Variants in CDCA7L observed in about 807,000 individuals in gnomAD.
The protein encoded by CDCA7L is cell division cycle-associated 7-like protein.
Under a neutral mutation model 57.4 loss-of-function variants are expected in CDCA7L, and 44 were observed. The ratio of observed to expected loss-of-function variants is 0.77; its 90% CI spans 0.60 to 0.98. The LOEUF is 0.98. Among genes scored for constraint, CDCA7L ranks in the 50% least tolerant of loss-of-function variants. CDCA7L has a pLI of 0.00. For missense variants in CDCA7L, 644 were observed against 580.6 expected (o/e 1.11, Z -1.12); for synonymous variants, 236 against 202.8 (o/e 1.16, Z -1.39).
In CDCA7L at chr7:21,932,968, GA is replaced by G. The variant is rs199582519; in HGVS notation, c.24+12812del. On this transcript the variant is annotated intron_variant, in intron 1 of 9. Transcript: ENST00000406877. Reference sequence around the variant, plus strand: ...AACAAATTTATAAGAAAAAAAAAAAGAACAACTTCATCAAAAAGTGGGCGAA... The same window carrying G: ...AACAAATTTATAAGAAAAAAAAAAAGACAACTTCATCAAAAAGTGGGCGAA... 2.6e-4 allele frequency among the ~76,000 whole-genome samples: 38 copies of G among 148,996 alleles called. No individual in the cohort carries two copies. The East Asian group carries it at 7.3e-3, about 29-fold the overall frequency.
At chr7:21,910,558 C>G (rs535554415) in intron 3 of CDCA7L, among the ~76,000 whole-genome samples, 1 of 152,314 alleles carries the variant, frequency 6.6e-6, no homozygotes, top group South Asian at 2.1e-4. Context: ...GGCGTAAACT[C>G]TACGTTCCAT....
chr7:21,904,113 G>A lies in CDCA7L; in HGVS notation c.1194C>T (p.Asp398=), dbSNP rs747657717. 2.5e-6 allele frequency: 4 copies of A among 1,597,340 alleles called. No individual in the cohort carries two copies. The highest frequency in any genetic ancestry group is 2.3e-5 in the East Asian group (1 of 44,376). The change falls in exon 8 of 10, where the codon GAC becomes GAT. Residue 398 remains aspartate, a synonymous_variant. Transcript: ENST00000406877. Reference sequence around the variant, plus strand: ...CAAATGCAAACACTGTTCCTACCGGGTCCAGCAATGCCGATCTGACATCCT... The same window carrying A: ...CAAATGCAAACACTGTTCCTACCGGATCCAGCAATGCCGATCTGACATCCT... ...YGEDVRSALL[D]PDWVCPPCRG... is the part of the protein sequence containing the mutation.
At chr7:21,929,512 A>G (rs1007855596) in intron 1 of CDCA7L, among the ~76,000 whole-genome samples, 4 of 151,990 alleles carry the variant, frequency 2.6e-5, no homozygotes, top group African/African-American at 9.7e-5. Flanking sequence ...CAGACCGGCA[A>G]ATTGGATAAA....
intron 2 of CDCA7L, among the ~76,000 whole-genome samples, chr7:21,912,116 G>T (rs4645484): frequency 0.038 from 5,747 of 152,008 alleles, 218 homozygotes; most frequent in African/African-American, 0.099. Context: ...ACAAAAATTA[G>T]CTGGGTCTGG....
rs117555012 is a variant in CDCA7L, at chr7:21,919,898, C to T, written c.25-3004G>A. Among the ~76,000 whole-genome samples, 1,142 of 152,296 alleles carry T rather than the reference C, an allele frequency of 7.5e-3. 5 individuals are homozygous for T. Among genetic ancestry groups the T allele is most frequent in the Non-Finnish European group, 0.012 (809 of 68,022 alleles). On this transcript the variant is annotated intron_variant, in intron 1 of 9. Transcript: ENST00000406877. ...ACACAGGATCTTTTCCTTCAGCTAA[C>T]CAGATGATCATTGTACATGGTTATG... is the stretch of plus-strand genomic sequence containing the variant.
chr7:21,941,484 T>C (rs1231392956), intron 1 of CDCA7L, among the ~76,000 whole-genome samples: 1 of 152,238 alleles, frequency 6.6e-6, no homozygotes, highest in Admixed American at 6.5e-5. Flanking sequence ...GGTAACATGT[T>C]ATTGTTTGTA....
intron 2 of CDCA7L, among the ~76,000 whole-genome samples, chr7:21,913,404 C>G (rs1197032909): frequency 1.3e-5 from 2 of 151,800 alleles, no homozygotes; most frequent in Admixed American, 6.6e-5. Context: ...TAAGGGAGAC[C>G]AGAGTTAGCA....
At chr7:21,945,675 C>T in intron 1 of CDCA7L, 106 bp downstream of exon 1, 3 of 1,424,266 alleles carry the variant, frequency 2.1e-6, no homozygotes, top group South Asian at 2.4e-5. Context: ...ATCCCCAGTG[C>T]CGCAGCCAAG....
intron 4 of CDCA7L, among the ~76,000 whole-genome samples, chr7:21,907,696 T>C (rs1785182670): frequency 6.6e-6 from 1 of 152,178 alleles, no homozygotes; most frequent in Admixed American, 6.5e-5. Context: ...CCAGTGCTGG[T>C]CACCATAGAA....
intron 9 of CDCA7L, 34 bp downstream of exon 9, chr7:21,902,944 A>G: frequency 6.2e-7 from 1 of 1,601,802 alleles, no homozygotes; most frequent in East Asian, 2.2e-5. Context: ...TCAAGATTTC[A>G]AGCTGTTTTG....
chr7:21,908,182 C>T lies in CDCA7L; in HGVS notation c.629G>A (p.Ser210Asn), dbSNP rs1289023037. The T allele has an allele frequency of 4.4e-6, 7 of 1,595,904 alleles. No homozygotes were observed. The highest frequency in any genetic ancestry group is 5.1e-6 in the Non-Finnish European group (6 of 1,175,780). The change falls in exon 4 of 10, where the codon AGT (serine) becomes AAT (asparagine). Residue 210 changes from serine (S) to asparagine (N), a missense_variant. Coordinates refer to ENST00000406877, the MANE Select transcript of CDCA7L (RefSeq NM_018719.5). ...GGTCCTTTTCAGCAAAGCATCTGAA[C>T]TCTCCTGGCTCTCATCCCGAGAGTC... ...EDDSRDESQE[S>N]SDALLKRTMN...
At chr7:21,902,574 G>C (rs1260118189) in intron 9 of CDCA7L, 1 of 582,882 alleles carries the variant, frequency 1.7e-6, no homozygotes, top group African/African-American at 1.9e-5. Flanking sequence ...ACGATTCAGA[G>C]TTTATTAATT....
At chr7:21,940,453 A>G (rs1322110824) in intron 1 of CDCA7L, 1 of 213,324 alleles carries the variant, frequency 4.7e-6, no homozygotes, top group African/African-American at 2.4e-5. Flanking sequence ...AGCATCAAAT[A>G]TATGCCAGAC....
chr7:21,904,861 G>C (rs1380947092), intron 7 of CDCA7L, among the ~76,000 whole-genome samples: 1 of 152,224 alleles, frequency 6.6e-6, no homozygotes, highest in African/African-American at 2.4e-5. Context: ...GTCAGGAAGA[G>C]AGACCAGAGA....
Position 21,902,133 on chromosome 7 carries a change from C to G in CDCA7L, c.*189G>C, listed in dbSNP as rs1394508769. 6.3e-6 allele frequency: 4 copies of G among 635,046 alleles called. No individual in the cohort carries two copies. Among genetic ancestry groups the G allele is most frequent in the African/African-American group, 5.5e-5 (3 of 54,360 alleles). The allele number at this position is 635,046 out of a possible 1,614,324, so 39.3% of individuals were successfully genotyped here. A position where few individuals can be genotyped will look rare whatever the true frequency, so the allele number is the denominator to read the frequency against. On this transcript the variant is annotated 3_prime_UTR_variant, in exon 10 of 10. Coordinates refer to ENST00000406877, the MANE Select transcript of CDCA7L (RefSeq NM_018719.5). ...GTCTGTGCATACATCTATATAGATT[C>G]CTCTGCTCTGCTGTCTTCCTGAGAA...
At chr7:21,902,759 GGAGTT>G (rs533769973) in intron 9 of CDCA7L, 42 of 530,938 alleles carry the variant, frequency 7.9e-5, no homozygotes, top group African/African-American at 7.0e-4. Context: ...AAGGCAACGT[GGAGTT>G]GAGTTGAAAA....
intron 1 of CDCA7L, 89 bp from the exon 2 acceptor site, chr7:21,916,983 C>G: frequency 6.8e-7 from 1 of 1,467,050 alleles, no homozygotes; most frequent in Non-Finnish European, 9.4e-7. Flanking sequence ...GAGATCTCAT[C>G]ACTTCATCCA....
chr7:21,916,728 A>G (rs760394831), intron 2 of CDCA7L, 26 bp downstream of exon 2: 12 of 1,610,450 alleles, frequency 7.5e-6, no homozygotes, highest in South Asian at 1.1e-5. Flanking sequence ...AGATGAACAC[A>G]TCTGCTTGGA....
intron 1 of CDCA7L, among the ~76,000 whole-genome samples, chr7:21,944,356 C>G (rs1459904322): frequency 7.1e-6 from 1 of 141,112 alleles, no homozygotes; most frequent in Non-Finnish European, 1.5e-5. Context: ...GACGCTGAGG[C>G]AGGAAAATTG....
Sources: gnomAD v4.1 joint callset for allele counts (sites outside exome capture counted in the v4.1 genomes callset) on GRCh38, gnomAD v4.1.1 for gene constraint, MANE v1.5 for transcripts, NCBI Gene and HGNC (gene_info 2026-07-23, HGNC 2026-07-21) for gene names.